DNAH5: variants seen among roughly 807,000 people sequenced by gnomAD.
DNAH5 encodes the protein dynein axonemal heavy chain 5.
Under a neutral mutation model 518.2 loss-of-function variants are expected in DNAH5, and 372 were observed. The ratio of observed to expected loss-of-function variants is 0.72; its 90% CI spans 0.66 to 0.78. The LOEUF (loss-of-function observed/expected upper bound fraction) is 0.78. Among genes scored for constraint, DNAH5 ranks in the 30% least tolerant of loss-of-function variants. DNAH5 has a pLI of 0.00. For synonymous variants in DNAH5, 2,039 were observed against 2,025.9 expected (o/e 1.01, Z -0.17); for missense variants, 5,523 against 5,687.0 (o/e 0.97, Z 0.93).
chr5:14,001,908 G>T (rs2582694), intron 1 of DNAH5, among the ~76,000 whole-genome samples: 110,136 of 149,236 alleles, frequency 0.74, 40,721 homozygotes, highest in East Asian at 0.96. Context: ...GTGTTAATTT[G>T]TTTTTTTTTT....
intron 70 of DNAH5, among the ~76,000 whole-genome samples, chr5:13,726,317 T>C (rs1006494019): frequency 2.0e-5 from 3 of 152,214 alleles, no homozygotes; most frequent in Non-Finnish European, 4.4e-5. Flanking sequence ...TGGCACCATA[T>C]TTGCATTTCT....
intron 1 of DNAH5, among the ~76,000 whole-genome samples, chr5:13,998,163 G>C (rs1476962573): frequency 6.6e-6 from 1 of 152,130 alleles, no homozygotes; most frequent in African/African-American, 2.4e-5. Context: ...CAATTCTAGA[G>C]GCTGTAAAGT....
intron 6 of DNAH5, 28 bp from the exon 7 acceptor site, chr5:13,919,380 C>T (rs370437804): frequency 2.5e-6 from 4 of 1,611,794 alleles, no homozygotes; most frequent in Non-Finnish European, 3.4e-6. Context: ...AAAACACGAG[C>T]CATTGCACGG....
intron 76 of DNAH5, among the ~76,000 whole-genome samples, chr5:13,702,437 T>G (rs1742235019): frequency 6.6e-6 from 1 of 152,190 alleles, no homozygotes; most frequent in Admixed American, 6.5e-5. Flanking sequence ...AAGAGATGTG[T>G]GTTTATACTA....
At position 13,737,331 on chromosome 5, in the gene DNAH5, G is replaced by T; in HGVS notation, c.11376C>A (p.Ala3792=). The change falls in exon 66 of 79, where the codon GCC becomes GCA. Residue 3792 remains alanine (A), a synonymous_variant. Transcript: ENST00000265104. ...IVVLSNTKRT[A]EEVTQKLEIS... ...TTTCTAGCTTCTGTGTCACCTCCTC[G>T]GCTGTCCTTTTTGTGTTACTCAGCA... 1 of 1,613,878 alleles carries T rather than the reference G, an allele frequency of 6.2e-7. No individual in the cohort carries two copies. Among genetic ancestry groups the T allele is most frequent in the Non-Finnish European group, 8.5e-7 (1 of 1,179,974 alleles).
intron 42 of DNAH5, 146 bp from the exon 43 acceptor site, chr5:13,814,992 T>G: frequency 1.2e-6 from 1 of 813,758 alleles, no homozygotes; most frequent in Non-Finnish European, 1.9e-6. Context: ...ATGATTACCT[T>G]GTTTTATTAC....
At chr5:13,885,316 C>A in intron 18 of DNAH5, 88 bp from the exon 19 acceptor site, 6 of 1,454,566 alleles carry the variant, frequency 4.1e-6, no homozygotes, top group Non-Finnish European at 4.8e-6. Flanking sequence ...TAGATAGAAT[C>A]ATCTGTTGCA....
intron 65 of DNAH5, among the ~76,000 whole-genome samples, chr5:13,744,481 A>G (rs1253702135): frequency 1.3e-5 from 2 of 151,336 alleles, no homozygotes; most frequent in Admixed American, 1.3e-4. Flanking sequence ...AGTTCGAAGG[A>G]GAATATTGAA....
intron 61 of DNAH5, among the ~76,000 whole-genome samples, chr5:13,757,034 T>A (rs1198379300): frequency 2.0e-5 from 3 of 152,222 alleles, no homozygotes; most frequent in Admixed American, 1.3e-4. Flanking sequence ...AAGGACACAA[T>A]CTCATTCTTT....
chr5:13,802,177 C>G (rs1004701466), intron 47 of DNAH5, among the ~76,000 whole-genome samples: 8 of 152,128 alleles, frequency 5.3e-5, no homozygotes, highest in African/African-American at 1.9e-4. Flanking sequence ...GTCAGCATGA[C>G]AGCATCTTAT....
In DNAH5 at chr5:13,810,361, T is replaced by G. The variant is rs1760456667; in HGVS notation, c.7408-101A>C. ...AGTAAACATAGAAACAAGACACTAG[T>G]TGCCCTCCAAGAACAAGGGAAAGGA... On this transcript the variant is annotated intron_variant, in intron 44 of 78. Coordinates refer to ENST00000265104, the MANE Select transcript of DNAH5 (RefSeq NM_001369.3). 9 of 1,010,690 alleles carry G rather than the reference T, an allele frequency of 8.9e-6. No homozygotes were observed. The African/African-American group carries it at 9.6e-5, about 11-fold the overall frequency. 62.6% of individuals were successfully genotyped at this position (1,010,690 alleles called of 1,614,324 possible). A position where few individuals can be genotyped will look rare whatever the true frequency, so the allele number is the denominator to read the frequency against.
intron 52 of DNAH5, among the ~76,000 whole-genome samples, chr5:13,781,948 C>G (rs1755211732): frequency 6.6e-6 from 1 of 152,182 alleles, no homozygotes; most frequent in South Asian, 2.1e-4. Context: ...TAGCCCAAGA[C>G]TATTCCACAG....
chr5:13,706,191 G>A (rs763872522), intron 76 of DNAH5, among the ~76,000 whole-genome samples: 5 of 152,162 alleles, frequency 3.3e-5, no homozygotes, highest in Non-Finnish European at 7.3e-5. Context: ...AGTGAAAGCC[G>A]GTTTCATTCA....
intron 1 of DNAH5, among the ~76,000 whole-genome samples, chr5:13,951,188 G>GT (rs67338706): frequency 0.012 from 1,442 of 122,742 alleles, 31 homozygotes; most frequent in African/African-American, 0.042. Context: ...TGTCTCTTTT[G>GT]TTTTTTTTTT....
At chr5:13,883,616 G>C (rs1033941138) in intron 19 of DNAH5, among the ~76,000 whole-genome samples, 2 of 152,168 alleles carry the variant, frequency 1.3e-5, no homozygotes, top group African/African-American at 4.8e-5. Flanking sequence ...TACTGAAGGA[G>C]CTTTTAAGGT....
chr5:13,814,944 G>A (rs1761259849), intron 42 of DNAH5, 98 bp from the exon 43 acceptor site: 1 of 1,110,234 alleles, frequency 9.0e-7, no homozygotes, highest in Admixed American at 2.3e-5. Context: ...TATATTAGAT[G>A]TAATTTTCAT....
In DNAH5 at chr5:13,814,636, G is replaced by A; in HGVS notation, c.7199C>T (p.Ser2400Phe). Reference protein sequence around the residue: ...VSRNGMVFMSSSILDWSPILE... With the variant: ...VSRNGMVFMSFSILDWSPILE... ...AATAGGACTCCAATCAAGGATAGAA[G>A]AGCTCATGAAAACCATTCCATTTCT... Residue 2400 changes from serine (S) to phenylalanine (F), a missense_variant, in exon 43 of 79, where the codon TCT (serine) becomes TTT (phenylalanine). Ser to Phe is a radical substitution (Grantham distance 155, BLOSUM62 -2). This residue lies in a region of DNAH5 where 5,121 missense variants were observed against 5,223.3 expected (regional missense o/e 0.98). Coordinates refer to ENST00000265104, the MANE Select transcript of DNAH5 (RefSeq NM_001369.3). The A allele has an allele frequency of 1.2e-6, 2 of 1,613,852 alleles. No individual in the cohort carries two copies. Among genetic ancestry groups the A allele is most frequent in the Non-Finnish European group, 8.5e-7 (1 of 1,179,768 alleles).
chr5:13,885,117 C>G lies in DNAH5; in HGVS notation c.2855G>C (p.Gly952Ala). 1 of 1,614,200 alleles carries G rather than the reference C, an allele frequency of 6.2e-7. No homozygotes were observed. Among genetic ancestry groups the G allele is most frequent in the Non-Finnish European group, 8.5e-7 (1 of 1,180,034 alleles). ...AGAGAGTAACTCGCGGGCTTCTTCC[C>G]CTAACATCTCAGTTTCTTTCTTTTT... is the stretch of plus-strand genomic sequence containing the variant. ...TRKKKETEML[G>A]EEARELLSHF... Residue 952 changes from glycine (G) to alanine (A), a missense_variant, in exon 19 of 79, where the codon GGG becomes GCG. Around this residue, in one of 3 missense-constraint regions of DNAH5, gnomAD observed 5,121 missense variants for 5,223.3 expected, o/e 0.98. Coordinates refer to ENST00000265104, the MANE Select transcript of DNAH5 (RefSeq NM_001369.3).
intron 1 of DNAH5, among the ~76,000 whole-genome samples, chr5:13,951,901 A>G (rs1278953284): frequency 6.6e-6 from 1 of 152,256 alleles, no homozygotes; most frequent in Non-Finnish European, 1.5e-5. Context: ...CCCTGCATTT[A>G]GGTCCTCTTT....
Sources: gnomAD v4.1 joint callset for allele counts (sites outside exome capture counted in the v4.1 genomes callset) on GRCh38, gnomAD v4.1.1 for gene constraint, gnomAD v4.1.1 regional missense constraint, MANE v1.5 for transcripts, NCBI Gene and HGNC (gene_info 2026-07-23, HGNC 2026-07-21) for gene names.